The following SNX30 variants were observed in gnomAD, a reference collection of about 807,000 sequenced individuals.
SNX30 encodes the protein sorting nexin family member 30.
A neutral mutation model predicts 46.4 loss-of-function variants in SNX30; 24 were observed. The observed-to-expected ratio is 0.52, with a 90% CI of 0.37 to 0.73. SNX30 has a LOEUF of 0.73. SNX30 is among the 30% of genes least tolerant of loss of function. The pLI, the probability that SNX30 is intolerant of heterozygous loss-of-function variation, is 0.00. For synonymous variants in SNX30, 189 were observed against 211.5 expected (o/e 0.89, Z 0.92); for missense variants, 533 against 555.7 (o/e 0.96, Z 0.41).
intron 6 of SNX30, among the ~76,000 whole-genome samples, chr9:112,844,226 T>C (rs1388998579): frequency 2.0e-5 from 3 of 152,178 alleles, no homozygotes; most frequent in African/African-American, 7.2e-5. Flanking sequence ...GGTTTTTGGC[T>C]TTAGCAGCTG....
intron 1 of SNX30, among the ~76,000 whole-genome samples, chr9:112,766,604 A>G (rs936539122): frequency 6.6e-6 from 1 of 152,186 alleles, no homozygotes; most frequent in Non-Finnish European, 1.5e-5. Flanking sequence ...TACCCATTAA[A>G]TGACTGCTGC....
At chr9:112,853,444 C>G (rs574915334) in intron 7 of SNX30, among the ~76,000 whole-genome samples, 39 of 152,360 alleles carry the variant, frequency 2.6e-4, no homozygotes, top group African/African-American at 8.2e-4. Context: ...GTGCCATCTA[C>G]TGAAGCCATG....
At chr9:112,839,810 A>T (rs888011245) in intron 6 of SNX30, among the ~76,000 whole-genome samples, 1 of 152,256 alleles carries the variant, frequency 6.6e-6, no homozygotes, top group Non-Finnish European at 1.5e-5. Flanking sequence ...GACTGACCTG[A>T]ATTCCAGAGA....
intron 1 of SNX30, among the ~76,000 whole-genome samples, chr9:112,767,415 T>G (rs1453382863): frequency 2.0e-5 from 3 of 152,128 alleles, no homozygotes; most frequent in Non-Finnish European, 4.4e-5. Context: ...GTTGTGTCCT[T>G]CGGACAAAAC....
At chr9:112,846,866 T>A (rs1840946349) in intron 6 of SNX30, among the ~76,000 whole-genome samples, 1 of 152,200 alleles carries the variant, frequency 6.6e-6, no homozygotes. Context: ...GGGCTCCTTT[T>A]CTGCCTTTTC....
intron 1 of SNX30, among the ~76,000 whole-genome samples, chr9:112,778,689 A>G (rs1839790620): frequency 6.6e-6 from 1 of 152,252 alleles, no homozygotes. Flanking sequence ...TAAGCATGTA[A>G]GACCAGAGAT....
At chr9:112,856,479 G>T (rs1022611714) in intron 7 of SNX30, among the ~76,000 whole-genome samples, 10 of 151,742 alleles carry the variant, frequency 6.6e-5, no homozygotes, top group Admixed American at 3.3e-4. Context: ...GGAGGGGAGT[G>T]GGGCATTGGT....
In SNX30 at chr9:112,872,226, G is replaced by T. The variant is rs920860476; in HGVS notation, c.*3383G>T. The T allele has an allele frequency of 2.0e-5, 3 of 152,222 alleles. No individual in the cohort carries two copies. The highest frequency in any genetic ancestry group is 2.9e-5 in the Non-Finnish European group (2 of 68,058). 9.4% of individuals were successfully genotyped at this position (152,222 alleles called of 1,614,324 possible). A position where few individuals can be genotyped will look rare whatever the true frequency, so the allele number is the denominator to read the frequency against. On this transcript the variant is annotated 3_prime_UTR_variant, in exon 9 of 9. Transcript: ENST00000374232. ...CCTGCTGCTCACTTCTTGTGAGGCT[G>T]CCTTTTGTGATCAAATAACAGGAAG...
At chr9:112,773,941 C>A (rs1218231457) in intron 1 of SNX30, among the ~76,000 whole-genome samples, 1 of 152,170 alleles carries the variant, frequency 6.6e-6, no homozygotes, top group African/African-American at 2.4e-5. Flanking sequence ...GCTCATTCAA[C>A]ATGATGATGC....
At chr9:112,858,995 C>T (rs959446295) in intron 7 of SNX30, among the ~76,000 whole-genome samples, 1 of 152,142 alleles carries the variant, frequency 6.6e-6, no homozygotes, top group East Asian at 1.9e-4. Flanking sequence ...ACAGCTTAGT[C>T]GTGTTAAGCA....
rs1841450013 is a variant in SNX30 at position 112,871,821 on chromosome 9, G to T, written c.*2978G>T. 1 of 139,120 alleles carries T rather than the reference G, an allele frequency of 7.2e-6. No individual in the cohort carries two copies. The highest frequency in any genetic ancestry group is 1.6e-5 in the Non-Finnish European group (1 of 62,416). The allele number at this position is 139,120 out of a possible 1,614,324, so 8.6% of individuals were successfully genotyped here. ...ATGGGCACTGCTTTTTCTTACTAAT[G>T]TGGTAGATCTACACGAACATTCTAG... On this transcript the variant is annotated 3_prime_UTR_variant, in exon 9 of 9. Transcript: ENST00000374232.
chr9:112,749,844 G>A (rs1839236969), upstream of SNX30, among the ~76,000 whole-genome samples: 1 of 152,160 alleles, frequency 6.6e-6, no homozygotes, highest in African/African-American at 2.4e-5. Flanking sequence ...GGTCCCTCAC[G>A]ATGAGCCTCC....
chr9:112,880,204 G>A (rs950861371), exon 5 of SNX30: 4 of 156,716 alleles, frequency 2.6e-5, no homozygotes, highest in African/African-American at 4.8e-5. Flanking sequence ...GGTGGCAGGC[G>A]CTTGTAATCC....
chr9:112,878,502 A>T (rs1193349687), downstream of SNX30: 1 of 152,150 alleles, frequency 6.6e-6, no homozygotes, highest in African/African-American at 2.4e-5. Context: ...GTGCTCCCTT[A>T]TATTAGTGAG....
intron 1 of SNX30, among the ~76,000 whole-genome samples, chr9:112,795,419 T>A (rs1840090819): frequency 6.6e-6 from 1 of 152,120 alleles, no homozygotes; most frequent in South Asian, 2.1e-4. Flanking sequence ...TCCACAGACA[T>A]TTATTGAGTA....
At chr9:112,862,011 T>A (rs1841246042) in intron 7 of SNX30, among the ~76,000 whole-genome samples, 1 of 152,208 alleles carries the variant, frequency 6.6e-6, no homozygotes, top group African/African-American at 2.4e-5. Flanking sequence ...GGAGACAAGA[T>A]TTGTCTGTTG....
rs1329588916 is a variant in SNX30 at position 112,751,015 on chromosome 9, C to T, written c.14C>T (p.Pro5Leu). The change falls in exon 1 of 9, where the codon CCC becomes CTC. Residue 5 changes from proline to leucine, a missense_variant. Physicochemically the swap from Pro to Leu is moderately conservative, Grantham distance 98. Around this residue, in one of 3 missense-constraint regions of SNX30, gnomAD observed 191 missense variants for 160.3 expected, o/e 1.19. Coordinates refer to ENST00000374232, the MANE Select transcript of SNX30 (RefSeq NM_001012994.2). The part of the protein sequence containing the change: MAGG[P>L]PKALPSTGPH... ...GCGGTGCGCGCCATGGCGGGCGGGC[C>T]CCCCAAGGCCCTGCCGTCCACGGGG... 17 of 1,298,098 alleles carry T rather than the reference C, an allele frequency of 1.3e-5. No individual in the cohort carries two copies. The highest frequency in any genetic ancestry group is 7.7e-5 in the African/African-American group (5 of 65,178). The allele number at this position is 1,298,098 out of a possible 1,614,324, so 80.4% of individuals were successfully genotyped here. A position where few individuals can be genotyped will look rare whatever the true frequency, so the allele number is the denominator to read the frequency against.
intron 3 of SNX30, among the ~76,000 whole-genome samples, chr9:112,829,077 G>A (rs1840621191): frequency 2.0e-5 from 3 of 152,116 alleles, no homozygotes; most frequent in Admixed American, 6.6e-5. Context: ...GATGTAGCAT[G>A]TTTTAGTACT....
intron 1 of SNX30, among the ~76,000 whole-genome samples, chr9:112,798,342 T>C (rs1840148933): frequency 2.2e-5 from 1 of 44,500 alleles, no homozygotes; most frequent in Non-Finnish European, 4.4e-5. Context: ...TGTGATCTCA[T>C]TGTTCAATTC....
Sources: gnomAD v4.1 joint callset for allele counts (sites outside exome capture counted in the v4.1 genomes callset) on GRCh38, gnomAD v4.1.1 for gene constraint, gnomAD v4.1.1 regional missense constraint, MANE v1.5 for transcripts, NCBI Gene and HGNC (gene_info 2026-07-23, HGNC 2026-07-21) for gene names.